NANP: variants seen among roughly 807,000 people sequenced by gnomAD.
The protein encoded by NANP is N-acetylneuraminic acid phosphatase.
In NANP, 15 loss-of-function variants were observed where a neutral mutation model predicts 16.9. The observed-to-expected ratio is 0.89, with a 90% CI of 0.59 to 1.37. The LOEUF is 1.37. NANP is among the 40% of genes most tolerant of loss of function. NANP has a pLI of 0.00. For synonymous variants in NANP, 135 were observed against 112.6 expected (o/e 1.20, Z -1.26); for missense variants, 290 against 303.5 (o/e 0.96, Z 0.33).
chr20:25,619,121 C>CTTT lies in NANP; in HGVS notation c.91-2543_91-2541dup, dbSNP rs34028977. On this transcript the variant is annotated intron_variant, in intron 1 of 1. Coordinates refer to ENST00000304788, the MANE Select transcript of NANP (RefSeq NM_152667.3). ...AAGAATCACAACAAAGGAAAAGGGT[C>CTTT]TTTTTTTTTTTTTTTTTTCCCCAAA... is the stretch of plus-strand genomic sequence containing the variant. Among the ~76,000 whole-genome samples the CTTT allele has an allele frequency of 4.8e-4, 64 of 133,066 alleles. 1 individual carries two copies. The highest frequency in any genetic ancestry group is 1.4e-3 in the African/African-American group (49 of 35,498). The allele number at this position is 133,066 out of a possible 152,430, so 87.3% of individuals were successfully genotyped here. A position where few individuals can be genotyped will look rare whatever the true frequency, so the allele number is the denominator to read the frequency against.
chr20:25,613,384 C>A lies in NANP; in HGVS notation c.*2541G>T, dbSNP rs242130. On this transcript the variant is annotated 3_prime_UTR_variant, in exon 2 of 2. Transcript: ENST00000304788. Reference sequence around the variant, plus strand: ...TGTGGAGGTGCACATGGAACCAAACCTCCCCACCAGGTGCTGGTATTCCAG... The same window carrying A: ...TGTGGAGGTGCACATGGAACCAAACATCCCCACCAGGTGCTGGTATTCCAG... 67,829 of 153,250 alleles carry A rather than the reference C, an allele frequency of 0.44. 15,962 individuals carry two copies. The highest frequency in any genetic ancestry group is 0.59 in the African/African-American group (24,443 of 41,444). The allele number at this position is 153,250 out of a possible 1,614,324, so 9.5% of individuals were successfully genotyped here.
At chr20:25,623,755 C>T (rs2065377965) in intron 1 of NANP, 104 bp downstream of exon 1, 2 of 1,157,586 alleles carry the variant, frequency 1.7e-6, no homozygotes, top group African/African-American at 1.6e-5. Context: ...GCAAGAGCGG[C>T]CCGCGGCGCC....
rs1600397009 is a variant in NANP, at chr20:25,616,369, T to C, written c.303A>G (p.Lys101=). 1.2e-6 allele frequency: 2 copies of C among 1,614,176 alleles called. No homozygotes were observed. The highest frequency in any genetic ancestry group is 1.7e-6 in the Non-Finnish European group (2 of 1,180,030). The change falls in exon 2 of 2, where the codon AAA becomes AAG. Residue 101 remains lysine (K), a synonymous_variant. Coordinates refer to ENST00000304788, the MANE Select transcript of NANP (RefSeq NM_152667.3). The stretch of plus-strand genomic sequence containing the variant: ...GTGTCATATGCTGTAAACGTGTAGA[T>C]TTCCAAAGGAAATAACATTCTTCAG... ...KLAEECYFLW[K]STRLQHMTLA...
In NANP at chr20:25,615,143, A is replaced by T. The variant is rs1258575097; in HGVS notation, c.*782T>A. The T allele has an allele frequency of 1.3e-5, 2 of 152,566 alleles. No homozygotes were observed. Among genetic ancestry groups the T allele is most frequent in the Non-Finnish European group, 2.9e-5 (2 of 68,024 alleles). The allele number at this position is 152,566 out of a possible 1,614,324, so 9.5% of individuals were successfully genotyped here. ...CCCTCAACCCCACTGTGTGTCTGGG[A>T]AAAGACAGTAAAAACATTTCCTTGA... On this transcript the variant is annotated 3_prime_UTR_variant, in exon 2 of 2. Transcript: ENST00000304788.
intron 1 of NANP, among the ~76,000 whole-genome samples, chr20:25,622,415 C>T (rs1271216197): frequency 1.3e-5 from 2 of 152,156 alleles, no homozygotes; most frequent in African/African-American, 4.8e-5. Context: ...ATATAAGGCT[C>T]CGAGTGGTTA....
chr20:25,623,727 C>G (rs990472338), intron 1 of NANP, 132 bp downstream of exon 1: 1 of 891,460 alleles, frequency 1.1e-6, no homozygotes, highest in Non-Finnish European at 1.7e-6. Flanking sequence ...CACCCGCACG[C>G]TCCACAGGTT....
At chr20:25,623,671 C>A (rs1024778518) in intron 1 of NANP, among the ~76,000 whole-genome samples, 188 bp downstream of exon 1, 1 of 152,172 alleles carries the variant, frequency 6.6e-6, no homozygotes. Flanking sequence ...GCCGCCAGGC[C>A]AGGGAAAGCA....
chr20:25,614,370 T>C lies in NANP; in HGVS notation c.*1555A>G, dbSNP rs1282404194. ...ATATCAAAAACCAACCTAAATCATA[T>C]TTATTAACCACTTTAATAAGCCCCT... On this transcript the variant is annotated 3_prime_UTR_variant, in exon 2 of 2. Coordinates refer to ENST00000304788, the MANE Select transcript of NANP (RefSeq NM_152667.3). 6.6e-6 allele frequency: 1 copy of C among 152,268 alleles called. No homozygotes were observed. The highest frequency in any genetic ancestry group is 2.1e-4 in the South Asian group (1 of 4,828). The allele number at this position is 152,268 out of a possible 1,614,324, so 9.4% of individuals were successfully genotyped here. A position where few individuals can be genotyped will look rare whatever the true frequency, so the allele number is the denominator to read the frequency against.
intron 1 of NANP, among the ~76,000 whole-genome samples, chr20:25,618,334 A>G (rs1039116929): frequency 6.6e-6 from 1 of 152,162 alleles, no homozygotes; most frequent in Non-Finnish European, 1.5e-5. Context: ...GTTTGGGAAG[A>G]GAAGAAAATC....
rs2065328969 is a variant in NANP, at chr20:25,613,216, T to C, written c.*2709A>G. ...CACTATAAATGTGTTAAAGAGGTTATGATAGAAAATGTTTCTTACTGAAGG... is the reference window on the plus strand; with the variant it reads ...CACTATAAATGTGTTAAAGAGGTTACGATAGAAAATGTTTCTTACTGAAGG... On this transcript the variant is annotated 3_prime_UTR_variant, in exon 2 of 2. Coordinates refer to ENST00000304788, the MANE Select transcript of NANP (RefSeq NM_152667.3). 1 of 152,190 alleles carries C rather than the reference T, an allele frequency of 6.6e-6. No individual in the cohort carries two copies. The highest frequency in any genetic ancestry group is 1.5e-5 in the Non-Finnish European group (1 of 68,042). 9.4% of individuals were successfully genotyped at this position (152,190 alleles called of 1,614,324 possible).
At chr20:25,623,015 T>C (rs983847322) in intron 1 of NANP, among the ~76,000 whole-genome samples, 9 of 152,198 alleles carry the variant, frequency 5.9e-5, no homozygotes, top group African/African-American at 2.2e-4. Flanking sequence ...TAGTGGAAGA[T>C]CCAGGGACAC....
At chr20:25,619,186 T>C (rs999732181) in intron 1 of NANP, among the ~76,000 whole-genome samples, 1 of 149,218 alleles carries the variant, frequency 6.7e-6, no homozygotes, top group East Asian at 2.0e-4. Context: ...TGGAGTGCAG[T>C]AGAGGAATGA....
intron 1 of NANP, among the ~76,000 whole-genome samples, chr20:25,620,717 C>T (rs1230925159): frequency 6.6e-6 from 1 of 152,134 alleles, no homozygotes; most frequent in Non-Finnish European, 1.5e-5. Context: ...GATAAGGAGT[C>T]CAGGAGTGTC....
At chr20:25,623,095 G>A (rs1452677649) in intron 1 of NANP, among the ~76,000 whole-genome samples, 1 of 152,252 alleles carries the variant, frequency 6.6e-6, no homozygotes. Flanking sequence ...TTGAAAGTGA[G>A]TTTTCCACAT....
chr20:25,623,733 A>G (rs990179763), intron 1 of NANP, 126 bp downstream of exon 1: 17 of 923,168 alleles, frequency 1.8e-5, no homozygotes, highest in Middle Eastern at 5.9e-4. Flanking sequence ...CACGCTCCAC[A>G]GGTTTCAACC....
intron 1 of NANP, among the ~76,000 whole-genome samples, chr20:25,621,333 G>A (rs577028049): frequency 6.6e-6 from 1 of 152,226 alleles, no homozygotes; most frequent in African/African-American, 2.4e-5. Flanking sequence ...ATTCACAAAT[G>A]CAGAAATCTC....
intron 1 of NANP, among the ~76,000 whole-genome samples, chr20:25,616,856 A>G (rs767477932): frequency 2.0e-5 from 3 of 152,164 alleles, no homozygotes; most frequent in Admixed American, 6.5e-5. Flanking sequence ...AGAGTCCAAC[A>G]TCTTTCATTC....
In NANP at chr20:25,613,112, T is replaced by C. The variant is rs916789215; in HGVS notation, c.*2813A>G. ...GGATCCCATACACATATTAATGTTA[T>C]ACTATAAAATGTTATATTTATATTT... On this transcript the variant is annotated 3_prime_UTR_variant, in exon 2 of 2. Coordinates refer to ENST00000304788, the MANE Select transcript of NANP (RefSeq NM_152667.3). 2.0e-5 allele frequency: 3 copies of C among 151,816 alleles called. No individual in the cohort carries two copies. The highest frequency in any genetic ancestry group is 7.3e-5 in the African/African-American group (3 of 41,372). The allele number at this position is 151,816 out of a possible 1,614,324, so 9.4% of individuals were successfully genotyped here. A position where few individuals can be genotyped will look rare whatever the true frequency, so the allele number is the denominator to read the frequency against.
intron 1 of NANP, among the ~76,000 whole-genome samples, chr20:25,619,135 TTTTTC>T (rs1012810747): frequency 4.0e-5 from 6 of 151,234 alleles, no homozygotes; most frequent in African/African-American, 1.5e-4. Flanking sequence ...TTTTTTTTTT[TTTTTC>T]CCCAAACAGG....
Sources: allele counts gnomAD v4.1 joint callset (sites outside exome capture counted in the v4.1 genomes callset), GRCh38; gene constraint gnomAD v4.1.1; transcripts MANE v1.5; gene names NCBI Gene and HGNC (gene_info 2026-07-23, HGNC 2026-07-21).